ACOX2: variants seen among roughly 807,000 people sequenced by gnomAD.
ACOX2 encodes peroxisomal acyl-coenzyme A oxidase 2.
A neutral mutation model predicts 77.5 loss-of-function variants in ACOX2; 59 were observed. That is an observed-to-expected ratio of 0.76 (90% CI 0.62 to 0.95). The LOEUF is 0.95. ACOX2 is among the 40% of genes least tolerant of loss of function. The pLI, the probability that ACOX2 is intolerant of heterozygous loss-of-function variation, is 0.00. For missense variants in ACOX2, 837 were observed against 880.4 expected (o/e 0.95, Z 0.62); for synonymous variants, 317 against 340.1 (o/e 0.93, Z 0.75).
intron 1 of ACOX2, among the ~76,000 whole-genome samples, chr3:58,536,840 T>C (rs1240727847): frequency 1.3e-5 from 2 of 152,224 alleles, no homozygotes; most frequent in Admixed American, 1.3e-4. Flanking sequence ...TTTTTCTCTT[T>C]TCACTTATCC....
chr3:58,516,500 T>C (rs1560212516), intron 13 of ACOX2, among the ~76,000 whole-genome samples: 1 of 152,192 alleles, frequency 6.6e-6, no homozygotes, highest in Non-Finnish European at 1.5e-5. Flanking sequence ...ATGAGATGTA[T>C]GTAAAAGCTT....
intron 12 of ACOX2, among the ~76,000 whole-genome samples, chr3:58,520,987 T>A (rs1444566610): frequency 6.6e-6 from 1 of 152,230 alleles, no homozygotes; most frequent in African/African-American, 2.4e-5. Flanking sequence ...CAGGGCTGTG[T>A]GGATTAAATG....
At position 58,521,592 on chromosome 3, in the gene ACOX2, C is replaced by T. The variant is rs906543641; in HGVS notation, c.1632+904G>A. On this transcript the variant is annotated intron_variant, in intron 12 of 14. Transcript: ENST00000302819. This position sits in a 1 kb window ranked among gnomAD's most constrained non-coding sequence, Gnocchi z 4.8. ...CAGACTTGCTCCTTTCTAACTTGCT[C>T]CCTTTCATTCCATCCTGGGCAACCT... Among the ~76,000 whole-genome samples the T allele has an allele frequency of 2.0e-5, 3 of 152,222 alleles. No homozygotes were observed. The highest frequency in any genetic ancestry group is 7.2e-5 in the African/African-American group (3 of 41,454).
chr3:58,535,382 A>G lies in ACOX2; in HGVS notation c.-91-185T>C, dbSNP rs1287019977. 2.1e-6 allele frequency: 1 copy of G among 484,766 alleles called. No individual in the cohort carries two copies. The highest frequency in any genetic ancestry group is 3.4e-5 in the Admixed American group (1 of 29,580). The allele number at this position is 484,766 out of a possible 1,614,324, so 30.0% of individuals were successfully genotyped here. A position where few individuals can be genotyped will look rare whatever the true frequency, so the allele number is the denominator to read the frequency against. ...CCATTGCTTGGTACATGTTTGTTCA[A>G]TACTTGTTAGCCAAAATTGGACAGG... On this transcript the variant is annotated intron_variant, in intron 1 of 14. Transcript: ENST00000302819. This position sits in a 1 kb window ranked among gnomAD's most constrained non-coding sequence, Gnocchi z 4.8.
chr3:58,526,465 C>T lies in ACOX2; in HGVS notation c.1346+1G>A, dbSNP rs1044275658. ...AAGGCCTGGGTCAGCCTGGACCTTA[C>T]CTGGCCACCTGCAGGTAGAGCACTG... On this transcript the variant is annotated splice_donor_variant, in intron 10 of 14. Transcript: ENST00000302819. LOFTEE classifies it high-confidence loss of function. The surrounding 1 kb of genome is among the most constrained non-coding windows in gnomAD (Gnocchi z 4.3). 1 of 1,610,430 alleles carries T rather than the reference C, an allele frequency of 6.2e-7. No homozygotes were observed. Among genetic ancestry groups the T allele is most frequent in the Non-Finnish European group, 8.5e-7 (1 of 1,177,956 alleles).
In ACOX2 at chr3:58,535,098, G is replaced by T; in HGVS notation, c.9C>A (p.Ser3Arg). MG[S>R]PVHRVSLGDT... ...CCCCCAATGACACTCGGTGCACTGG[G>T]CTGCCCATCCTATCCTGGATCTGTC... is the stretch of plus-strand genomic sequence containing the variant. The change falls in exon 2 of 15, where the codon AGC becomes AGA. Residue 3 changes from serine (S) to arginine (R), a missense_variant. Physicochemically the swap from Ser to Arg is moderately radical, Grantham distance 110 (BLOSUM62 -1). Transcript: ENST00000302819. This position sits in a 1 kb window ranked among gnomAD's most constrained non-coding sequence, Gnocchi z 4.8. 1.2e-6 allele frequency: 2 copies of T among 1,614,198 alleles called. No homozygotes were observed. Among genetic ancestry groups the T allele is most frequent in the Non-Finnish European group, 1.7e-6 (2 of 1,180,040 alleles).
chr3:58,516,121 A>G (rs1054456582), intron 13 of ACOX2, among the ~76,000 whole-genome samples: 1 of 152,200 alleles, frequency 6.6e-6, no homozygotes, highest in Admixed American at 6.5e-5. Flanking sequence ...TTCACCATAC[A>G]TGGCACTGCA....
chr3:58,507,231 A>G (rs1204860449), intron 14 of ACOX2, among the ~76,000 whole-genome samples: 1 of 152,216 alleles, frequency 6.6e-6, no homozygotes, highest in East Asian at 1.9e-4. Flanking sequence ...CATTTATTCC[A>G]TAGACGTGGA....
In ACOX2 at chr3:58,521,764, C is replaced by T. The variant is rs2063360172; in HGVS notation, c.1632+732G>A. ...CCTGTCTCTCCTTCTCCCCTAGTCT[C>T]AGTCCTTCTCCTTAGGTCCTCCTTG... is the stretch of plus-strand genomic sequence containing the variant. On this transcript the variant is annotated intron_variant, in intron 12 of 14. Transcript: ENST00000302819. The surrounding 1 kb of genome is among the most constrained non-coding windows in gnomAD (Gnocchi z 4.8). 6.6e-6 allele frequency among the ~76,000 whole-genome samples: 1 copy of T among 152,210 alleles called. No individual in the cohort carries two copies. The highest frequency in any genetic ancestry group is 1.5e-5 in the Non-Finnish European group (1 of 68,040).
rs1433138992 is a variant in ACOX2 at position 58,535,582 on chromosome 3, A to G, written c.-91-385T>C. On this transcript the variant is annotated intron_variant, in intron 1 of 14. Coordinates refer to ENST00000302819, the MANE Select transcript of ACOX2 (RefSeq NM_003500.4). The surrounding 1 kb of genome is among the most constrained non-coding windows in gnomAD (Gnocchi z 4.8). The stretch of plus-strand genomic sequence containing the variant: ...GCCAGGAGTTGGATGGGGTCTGACC[A>G]CAAAGCACATGACTTGTCCATACTA... 1.3e-5 allele frequency among the ~76,000 whole-genome samples: 2 copies of G among 152,188 alleles called. No homozygotes were observed.
chr3:58,509,611 T>C (rs1317884595), intron 13 of ACOX2, among the ~76,000 whole-genome samples: 1 of 22,150 alleles, frequency 4.5e-5, no homozygotes, highest in Non-Finnish European at 1.1e-4. Flanking sequence ...TTTCAATCTG[T>C]TTTTTTTTTT....
At position 58,517,411 on chromosome 3, in the gene ACOX2, A is replaced by G; in HGVS notation, c.1645T>C (p.Tyr549His). The G allele has an allele frequency of 6.2e-7, 1 of 1,614,002 alleles. No individual in the cohort carries two copies. The highest frequency in any genetic ancestry group is 2.2e-5 in the East Asian group (1 of 44,882). ...TCTGTAAAACCCTTCACAGTGACATAGTAGCAGTGCACCTACAAAGACACA... is the reference window on the plus strand; with the variant it reads ...TCTGTAAAACCCTTCACAGTGACATGGTAGCAGTGCACCTACAAAGACACA... ...HLQAAKVHCY[Y>H]VTVKGFTEAL... The change falls in exon 13 of 15, where the codon TAT becomes CAT. Residue 549 changes from tyrosine to histidine, a missense_variant. Transcript: ENST00000302819.
rs1407110311 is a variant in ACOX2, at chr3:58,534,675, T to C, written c.161-153A>G. The C allele has an allele frequency of 2.6e-6, 4 of 1,519,792 alleles. No individual in the cohort carries two copies. Among genetic ancestry groups the C allele is most frequent in the Non-Finnish European group, 3.6e-6 (4 of 1,126,684 alleles). The allele number at this position is 1,519,792 out of a possible 1,614,324, so 94.1% of individuals were successfully genotyped here. ...AAAACTGAGGACCAAGGTGGGAAAG[T>C]GAATTGCCCAAGGTTACAAAGCTAT... is the stretch of plus-strand genomic sequence containing the variant. On this transcript the variant is annotated intron_variant, in intron 2 of 14. Coordinates refer to ENST00000302819, the MANE Select transcript of ACOX2 (RefSeq NM_003500.4). This position sits in a 1 kb window ranked among gnomAD's most constrained non-coding sequence, Gnocchi z 4.8.
chr3:58,535,248 G>GTTTTT lies in ACOX2; in HGVS notation c.-91-52_-91-51insAAAAA. On this transcript the variant is annotated intron_variant, in intron 1 of 14. Coordinates refer to ENST00000302819, the MANE Select transcript of ACOX2 (RefSeq NM_003500.4). This position sits in a 1 kb window ranked among gnomAD's most constrained non-coding sequence, Gnocchi z 4.8. ...GCTGGGTGTCAGCCAGGGCTGGTTG[G>GTTTTT]TAGAAGAAAGACATCCCTAAGTACC... 1 of 1,022,474 alleles carries GTTTTT rather than the reference G, an allele frequency of 9.8e-7. No individual in the cohort carries two copies. Among genetic ancestry groups the GTTTTT allele is most frequent in the South Asian group, 1.5e-5 (1 of 66,088 alleles). The allele number at this position is 1,022,474 out of a possible 1,614,324, so 63.3% of individuals were successfully genotyped here.
At chr3:58,520,179 T>C in intron 12 of ACOX2, among the ~76,000 whole-genome samples, 1 of 152,338 alleles carries the variant, frequency 6.6e-6, no homozygotes, top group East Asian at 1.9e-4. Flanking sequence ...TTATTTAATC[T>C]TTATTAGAAT....
intron 14 of ACOX2, among the ~76,000 whole-genome samples, chr3:58,507,290 C>T (rs1056977407): frequency 6.6e-5 from 10 of 152,180 alleles, no homozygotes; most frequent in African/African-American, 2.4e-4. Flanking sequence ...AAGACTCCTT[C>T]GTTGTTCACA....
Position 58,528,962 on chromosome 3 carries a change from G to A in ACOX2, c.993-6C>T, listed in dbSNP as rs2063417120. ...GGACCTTTGCCTCTGGGTCACTGAAGGGAAAAGAACCAGAAGATTTAGATC... is the reference window on the plus strand; with the variant it reads ...GGACCTTTGCCTCTGGGTCACTGAAAGGAAAAGAACCAGAAGATTTAGATC... On this transcript the variant is annotated splice_polypyrimidine_tract_variant and splice_region_variant and intron_variant, in intron 8 of 14. Transcript: ENST00000302819. The surrounding 1 kb of genome is among the most constrained non-coding windows in gnomAD (Gnocchi z 5.6). The A allele has an allele frequency of 6.2e-7, 1 of 1,605,628 alleles. No homozygotes were observed. The highest frequency in any genetic ancestry group is 1.1e-5 in the South Asian group (1 of 89,274).
In ACOX2 at chr3:58,527,395, G is replaced by T. The variant is rs903829713; in HGVS notation, c.1156-739C>A. Among the ~76,000 whole-genome samples the T allele has an allele frequency of 1.5e-4, 23 of 152,186 alleles. No individual in the cohort carries two copies. The East Asian group carries it at 4.3e-3, about 28-fold the overall frequency. Reference sequence around the variant, plus strand: ...TACTAAAAATACAAAAATTAGCTGGGCGTGGTGGCGTGCACTTGTAGTCCC... The same window carrying T: ...TACTAAAAATACAAAAATTAGCTGGTCGTGGTGGCGTGCACTTGTAGTCCC... On this transcript the variant is annotated intron_variant, in intron 9 of 14. Coordinates refer to ENST00000302819, the MANE Select transcript of ACOX2 (RefSeq NM_003500.4).
In ACOX2 at chr3:58,522,868, CTTG is replaced by C. The variant is rs1414219897; in HGVS notation, c.1527-270_1527-268del. 4 of 403,900 alleles carry C rather than the reference CTTG, an allele frequency of 9.9e-6. No homozygotes were observed. The highest frequency in any genetic ancestry group is 4.1e-5 in the African/African-American group (2 of 49,328). The allele number at this position is 403,900 out of a possible 1,614,324, so 25.0% of individuals were successfully genotyped here. A position where few individuals can be genotyped will look rare whatever the true frequency, so the allele number is the denominator to read the frequency against. On this transcript the variant is annotated intron_variant, in intron 11 of 14. Transcript: ENST00000302819. This position sits in a 1 kb window ranked among gnomAD's most constrained non-coding sequence, Gnocchi z 4.3. ...GTAAGGAGTGGAGCCAGGATTTTGA[CTTG>C]TTGTTAATCGCCATGTTATAAAGCC...
Sources: allele counts gnomAD v4.1 joint callset (sites outside exome capture counted in the v4.1 genomes callset), GRCh38; gene constraint gnomAD v4.1.1; non-coding constraint Gnocchi (gnomAD v3.1); transcripts MANE v1.5; gene names NCBI Gene and HGNC (gene_info 2026-07-23, HGNC 2026-07-21).